Variants in TENT5B observed in about 807,000 individuals in gnomAD.
TENT5B encodes terminal nucleotidyltransferase 5B.
Under a neutral mutation model 21.7 loss-of-function variants are expected in TENT5B, and 12 were observed. The observed-to-expected ratio is 0.55, with a 90% CI of 0.36 to 0.90. The LOEUF (loss-of-function observed/expected upper bound fraction) is 0.90, where lower values mean the gene tolerates loss of function less well. Ranked by LOEUF, TENT5B falls within the 40% of genes least tolerant of loss-of-function variation. TENT5B has a pLI of 0.01. For synonymous variants in TENT5B, 262 were observed against 266.6 expected (o/e 0.98, Z 0.17); for missense variants, 540 against 601.5 (o/e 0.90, Z 1.07).
Position 27,005,859 on chromosome 1 carries a change from C to T in TENT5B, c.*85G>A, listed in dbSNP as rs1054087841. Reference sequence around the variant, plus strand: ...GCTGGGCCTCCTGGCACATTCTGCGCCTCTGGTCATGTCCTCCACACACTC... The same window carrying T: ...GCTGGGCCTCCTGGCACATTCTGCGTCTCTGGTCATGTCCTCCACACACTC... On this transcript the variant is annotated 3_prime_UTR_variant, in exon 2 of 2. Coordinates refer to ENST00000289166, the MANE Select transcript of TENT5B (RefSeq NM_052943.4). 6.0e-6 allele frequency: 9 copies of T among 1,490,478 alleles called. No homozygotes were observed. The African/African-American group carries it at 1.3e-4, about 21-fold the overall frequency. 92.3% of individuals were successfully genotyped at this position (1,490,478 alleles called of 1,614,324 possible). A position where few individuals can be genotyped will look rare whatever the true frequency, so the allele number is the denominator to read the frequency against.
chr1:27,010,494 T>C (rs2082618666), intron 1 of TENT5B, among the ~76,000 whole-genome samples: 1 of 152,096 alleles, frequency 6.6e-6, no homozygotes, highest in Non-Finnish European at 1.5e-5. Context: ...CAAGAAACTT[T>C]CTTCGCTGTG....
At chr1:27,007,120 G>A (rs2082604007) in intron 1 of TENT5B, among the ~76,000 whole-genome samples, 163 bp from the exon 2 acceptor site, 1 of 136,986 alleles carries the variant, frequency 7.3e-6, no homozygotes, top group Non-Finnish European at 1.6e-5. Context: ...GTGGGGGTGG[G>A]GGGGTTGGGG....
rs766131333 is a variant in TENT5B at position 27,006,731 on chromosome 1, A to G, written c.491T>C (p.Ile164Thr). The G allele has an allele frequency of 6.2e-7, 1 of 1,613,866 alleles. No homozygotes were observed. The highest frequency in any genetic ancestry group is 1.1e-5 in the South Asian group (1 of 91,086). Residue 164 changes from isoleucine (I) to threonine (T), a missense_variant, in exon 2 of 2, where the codon ATC (isoleucine) becomes ACC (threonine). Coordinates refer to ENST00000289166, the MANE Select transcript of TENT5B (RefSeq NM_052943.4). The surrounding 1 kb of genome is among the most constrained non-coding windows in gnomAD (Gnocchi z 9.4). ...TGCCTCCTTGAGTGTCAGTGGCGTG[A>G]TCTTGGCCCGGCTCACACCGGCCGG... ...FLPAGVSRAK[I>T]TPLTLKEAYV...
In TENT5B at chr1:27,012,532, G is replaced by C; in HGVS notation, c.139C>G (p.Arg47Gly). The part of the protein sequence containing the change: ...DPEALSAFPG[R>G]HLSGLSWPQV... ...GGCCAGCTCAGCCCACTCAGGTGCCGTCCGGGGAAGGCCGATAAGGCCTCC... is the reference window on the plus strand; with the variant it reads ...GGCCAGCTCAGCCCACTCAGGTGCCCTCCGGGGAAGGCCGATAAGGCCTCC... The change falls in exon 1 of 2, where the codon CGG becomes GGG. Residue 47 changes from arginine (R) to glycine (G), a missense_variant. Physicochemically the swap from Arg to Gly is moderately radical, Grantham distance 125 (BLOSUM62 -2). Coordinates refer to ENST00000289166, the MANE Select transcript of TENT5B (RefSeq NM_052943.4). The C allele has an allele frequency of 6.2e-7, 1 of 1,602,744 alleles. No individual in the cohort carries two copies.
chr1:27,009,267 C>G (rs1228404928), intron 1 of TENT5B, among the ~76,000 whole-genome samples: 1 of 152,026 alleles, frequency 6.6e-6, no homozygotes, highest in Non-Finnish European at 1.5e-5. Flanking sequence ...CTGTGCCTGG[C>G]CCAGGACAGG....
intron 1 of TENT5B, 138 bp downstream of exon 1, chr1:27,012,269 G>A (rs2082627730): frequency 1.5e-6 from 2 of 1,336,176 alleles, no homozygotes; most frequent in East Asian, 5.2e-5. Flanking sequence ...CATTCATAAT[G>A]CTGTGCAATT....
chr1:27,012,049 A>G (rs2082626431), intron 1 of TENT5B, among the ~76,000 whole-genome samples: 1 of 152,154 alleles, frequency 6.6e-6, no homozygotes, highest in Non-Finnish European at 1.5e-5. Flanking sequence ...TTTGGACTCA[A>G]GCATGCACAC....
At chr1:27,007,115 G>C (rs1167304086) in intron 1 of TENT5B, among the ~76,000 whole-genome samples, 158 bp from the exon 2 acceptor site, 1 of 136,728 alleles carries the variant, frequency 7.3e-6, no homozygotes, top group Non-Finnish European at 1.6e-5. Flanking sequence ...ATTGGGTGGG[G>C]GTGGGGGGGT....
chr1:27,008,573 G>A (rs1210786496), intron 1 of TENT5B, among the ~76,000 whole-genome samples: 2 of 152,104 alleles, frequency 1.3e-5, no homozygotes, highest in African/African-American at 4.8e-5. Context: ...AATGAGTGCC[G>A]AGCACTGGAC....
In TENT5B at chr1:27,006,442, G is replaced by A. The variant is rs1290536027; in HGVS notation, c.780C>T (p.His260=). Residue 260 remains histidine, a synonymous_variant, in exon 2 of 2, where the codon CAC becomes CAT. Coordinates refer to ENST00000289166, the MANE Select transcript of TENT5B (RefSeq NM_052943.4). This position sits in a 1 kb window ranked among gnomAD's most constrained non-coding sequence, Gnocchi z 9.4. The part of the protein sequence containing the change: ...LYGDFTEALE[H]LRHRVIATRS... ...GCGTGGCGATGACACGGTGCCGCAGGTGCTCCAGGGCCTCGGTGAAGTCCC... is the reference window on the plus strand; with the variant it reads ...GCGTGGCGATGACACGGTGCCGCAGATGCTCCAGGGCCTCGGTGAAGTCCC... The A allele has an allele frequency of 6.2e-7, 1 of 1,613,648 alleles. No homozygotes were observed. Among genetic ancestry groups the A allele is most frequent in the East Asian group, 2.2e-5 (1 of 44,872 alleles).
chr1:27,011,317 T>C lies in TENT5B; in HGVS notation c.264+1090A>G, dbSNP rs527455797. On this transcript the variant is annotated intron_variant, in intron 1 of 1. Transcript: ENST00000289166. ...GGTAGTAGGAGGCAGGGGAAAGGCC[T>C]ACTTCATCCAAAGGAAGCCATCAGT... Among the ~76,000 whole-genome samples the C allele has an allele frequency of 2.8e-4, 43 of 152,130 alleles. 1 individual carries two copies. Among genetic ancestry groups the C allele is most frequent in the Non-Finnish European group, 5.7e-4 (39 of 68,020 alleles).
chr1:27,007,343 A>C (rs536389786), intron 1 of TENT5B, among the ~76,000 whole-genome samples: 1 of 152,116 alleles, frequency 6.6e-6, no homozygotes, highest in Admixed American at 6.5e-5. Context: ...ACTAGCTCAA[A>C]GGCAAACAGC....
intron 1 of TENT5B, among the ~76,000 whole-genome samples, chr1:27,008,977 C>CTTTTTTTTTT (rs58360969): frequency 1.6e-4 from 5 of 31,006 alleles, no homozygotes; most frequent in African/African-American, 6.8e-4. Context: ...CTCCATCCTT[C>CTTTTTTTTTT]TTTTTTTTTT....
chr1:27,008,917 T>A (rs1028669038), intron 1 of TENT5B, among the ~76,000 whole-genome samples: 2 of 150,724 alleles, frequency 1.3e-5, no homozygotes, highest in East Asian at 1.9e-4. Context: ...TTTTTTTTTT[T>A]AATATGGAAT....
chr1:27,012,326 G>T, intron 1 of TENT5B, 81 bp downstream of exon 1: 1 of 1,542,756 alleles, frequency 6.5e-7, no homozygotes. Flanking sequence ...TGTCTAGAAA[G>T]TCAAACAGAC....
chr1:27,011,768 G>A (rs781068256), intron 1 of TENT5B, among the ~76,000 whole-genome samples: 1 of 152,230 alleles, frequency 6.6e-6, no homozygotes, highest in Non-Finnish European at 1.5e-5. Flanking sequence ...TTGGGAAGGA[G>A]AAGAAACACC....
rs1570785290 is a variant in TENT5B at position 27,012,441 on chromosome 1, G to A, written c.230C>T (p.Pro77Leu). Residue 77 changes from proline to leucine, a missense_variant, in exon 1 of 2, where the codon CCC becomes CTC. By Grantham distance (98) the Pro-to-Leu change is moderately conservative (BLOSUM62 -3). Transcript: ENST00000289166. ...CTGCCGGGGCTGCACGCTCAGCGTG[G>A]GGAAGTTGCCGCGCCCGTGAATGGG... ...PIPIHGRGNF[P>L]TLSVQPRQIV... 1 of 1,613,122 alleles carries A rather than the reference G, an allele frequency of 6.2e-7. No homozygotes were observed. Among genetic ancestry groups the A allele is most frequent in the Non-Finnish European group, 8.5e-7 (1 of 1,179,852 alleles).
chr1:27,012,421 G>A lies in TENT5B; in HGVS notation c.250C>T (p.Arg84Trp), dbSNP rs1322527806. 6.2e-7 allele frequency: 1 copy of A among 1,612,672 alleles called. No homozygotes were observed. The highest frequency in any genetic ancestry group is 1.3e-5 in the African/African-American group (1 of 74,932). The change falls in exon 1 of 2, where the codon CGG becomes TGG. Residue 84 changes from arginine to tryptophan, a missense_variant. Coordinates refer to ENST00000289166, the MANE Select transcript of TENT5B (RefSeq NM_052943.4). ...CGTCCTCTCACCTGCACGATCTGCC[G>A]GGGCTGCACGCTCAGCGTGGGGAAG... ...GNFPTLSVQPRQIVQVVRSTL... is the reference protein window; with the variant it reads ...GNFPTLSVQPWQIVQVVRSTL...
chr1:27,006,333 C>G lies in TENT5B; in HGVS notation c.889G>C (p.Asp297His). ...VRGFRPRPST[D>H]VRALQRYMCS... ...ATGTAGCGCTGCAGGGCGCGCACAT[C>G]GGTGCTGGGCCGGGGCCGGAAGCCC... The change falls in exon 2 of 2, where the codon GAT becomes CAT. Residue 297 changes from aspartate (D) to histidine (H), a missense_variant. Coordinates refer to ENST00000289166, the MANE Select transcript of TENT5B (RefSeq NM_052943.4). The surrounding 1 kb of genome is among the most constrained non-coding windows in gnomAD (Gnocchi z 9.4). 1.2e-6 allele frequency: 2 copies of G among 1,610,274 alleles called. No homozygotes were observed. Among genetic ancestry groups the G allele is most frequent in the Non-Finnish European group, 1.7e-6 (2 of 1,178,264 alleles).
Sources: allele counts gnomAD v4.1 joint callset (sites outside exome capture counted in the v4.1 genomes callset), GRCh38; gene constraint gnomAD v4.1.1; non-coding constraint Gnocchi (gnomAD v3.1); transcripts MANE v1.5; gene names NCBI Gene and HGNC (gene_info 2026-07-23, HGNC 2026-07-21).